Variants in UGT1A8 observed in about 807,000 individuals in gnomAD.
UGT1A8 encodes the protein UDP glucuronosyltransferase family 1 member A8.
Under a neutral mutation model 45.3 loss-of-function variants are expected in UGT1A8, and 39 were observed. That is an observed-to-expected ratio of 0.86 (90% CI 0.67 to 1.12). The LOEUF (loss-of-function observed/expected upper bound fraction) is 1.12, where lower values mean the gene tolerates loss of function less well. Ranked by LOEUF, UGT1A8 falls within the 50% of genes most tolerant of loss-of-function variation. The probability of loss-of-function intolerance (pLI) is 0.00; values close to 1 mark genes in which losing one functional copy is unlikely to be tolerated. For synonymous variants in UGT1A8, 275 were observed against 249.2 expected, an observed-to-expected ratio of 1.10 and a Z score of -0.97; for missense variants, 719 against 664.9, an observed-to-expected ratio of 1.08 and a Z score of -0.90.
At chr2:233,670,619 T>C (rs1166062784) in intron 1 of UGT1A8, among the ~76,000 whole-genome samples, 5 of 152,224 alleles carry the variant, frequency 3.3e-5, no homozygotes, top group Non-Finnish European at 7.3e-5. Context: ...TCAAGTCATC[T>C]TCTGTTGATT....
chr2:233,761,836 A>C (rs1697880138), intron 1 of UGT1A8, among the ~76,000 whole-genome samples: 1 of 152,212 alleles, frequency 6.6e-6, no homozygotes, highest in African/African-American at 2.4e-5. Flanking sequence ...ATGGAGCGTT[A>C]GGGAATTACT....
At chr2:233,758,385 T>C (rs1230615266) in intron 1 of UGT1A8, among the ~76,000 whole-genome samples, 2 of 152,262 alleles carry the variant, frequency 1.3e-5, no homozygotes, top group Admixed American at 6.5e-5. Flanking sequence ...TGGTGACTTA[T>C]GTGTTTATAG....
Position 233,772,382 on chromosome 2 carries a change from C to T in UGT1A8, c.1416C>T (p.Arg472=). 5 of 1,614,256 alleles carry T rather than the reference C, an allele frequency of 3.1e-6. No homozygotes were observed. The highest frequency in any genetic ancestry group is 2.5e-6 in the Non-Finnish European group (3 of 1,180,048). ...GGCACAAGGGCGCGCCACACCTGCGCCCCGCAGCCCACGACCTCACCTGGT... is the reference window on the plus strand; with the variant it reads ...GGCACAAGGGCGCGCCACACCTGCGTCCCGCAGCCCACGACCTCACCTGGT... ...VMRHKGAPHL[R]PAAHDLTWYQ... The change falls in exon 5 of 5, where the codon CGC becomes CGT. Residue 472 remains arginine, a synonymous_variant. Coordinates refer to ENST00000373450, the MANE Select transcript of UGT1A8 (RefSeq NM_019076.5).
chr2:233,773,036 G>A lies in UGT1A8; in HGVS notation c.*477G>A. ...TGCCACCTTGTGTGTTTAAAGAAGG[G>A]AAGCTTTGTACCTTTAGAGTGTAGG... On this transcript the variant is annotated 3_prime_UTR_variant, in exon 5 of 5. Coordinates refer to ENST00000373450, the MANE Select transcript of UGT1A8 (RefSeq NM_019076.5). 1 of 196,980 alleles carries A rather than the reference G, an allele frequency of 5.1e-6. No individual in the cohort carries two copies. Among genetic ancestry groups the A allele is most frequent in the South Asian group, 9.8e-5 (1 of 10,240 alleles). The allele number at this position is 196,980 out of a possible 1,614,324, so 12.2% of individuals were successfully genotyped here. A position where few individuals can be genotyped will look rare whatever the true frequency, so the allele number is the denominator to read the frequency against.
chr2:233,746,991 T>G (rs560743202), intron 1 of UGT1A8, among the ~76,000 whole-genome samples: 1 of 151,932 alleles, frequency 6.6e-6, no homozygotes, highest in Non-Finnish European at 1.5e-5. Context: ...CAGGGTCAGA[T>G]GAGTTTTTCA....
chr2:233,618,550 G>T lies in UGT1A8; in HGVS notation c.843G>T (p.Lys281Asn). 1 of 1,613,388 alleles carries T rather than the reference G, an allele frequency of 6.2e-7. No homozygotes were observed. The highest frequency in any genetic ancestry group is 8.5e-7 in the Non-Finnish European group (1 of 1,179,452). ...FIGGINCHQG[K>N]PLPMEFEAYI... The stretch of plus-strand genomic sequence containing the variant: ...GTGGTATCAACTGCCATCAGGGAAA[G>T]CCATTGCCTATGGTAAGTCACCTCT... Residue 281 changes from lysine to asparagine, a missense_variant, in exon 1 of 5, where the codon AAG becomes AAT. Transcript: ENST00000373450.
intron 1 of UGT1A8, chr2:233,693,978 G>A (rs1189326021): frequency 1.9e-6 from 3 of 1,557,938 alleles, no homozygotes; most frequent in African/African-American, 1.4e-5. Context: ...GAGAAACGGT[G>A]GGGGGAAGTG....
At chr2:233,641,596 C>T (rs1384490476) in intron 1 of UGT1A8, among the ~76,000 whole-genome samples, 4 of 152,128 alleles carry the variant, frequency 2.6e-5, no homozygotes, top group Non-Finnish European at 5.9e-5. Context: ...TTACTATTAC[C>T]AGTGAGTTTT....
chr2:233,713,513 G>T (rs1275853145), intron 1 of UGT1A8: 1 of 1,613,912 alleles, frequency 6.2e-7, no homozygotes, highest in East Asian at 2.2e-5. Context: ...TTTTCTTGAG[G>T]AACATTCCAT....
chr2:233,700,334 C>A (rs541076266), intron 1 of UGT1A8, among the ~76,000 whole-genome samples: 14 of 152,332 alleles, frequency 9.2e-5, no homozygotes, highest in Non-Finnish European at 1.5e-4. Context: ...GCCTCTCTTT[C>A]AAAACCCTGT....
chr2:233,744,926 T>C (rs1381342735), intron 1 of UGT1A8, among the ~76,000 whole-genome samples: 2 of 151,890 alleles, frequency 1.3e-5, no homozygotes, highest in East Asian at 1.9e-4. Context: ...GCTCCTTTTA[T>C]AAAATGACAC....
chr2:233,618,489 A>G lies in UGT1A8; in HGVS notation c.782A>G (p.Tyr261Cys), dbSNP rs1221181458. 4 of 1,613,928 alleles carry G rather than the reference A, an allele frequency of 2.5e-6. No individual in the cohort carries two copies. The highest frequency in any genetic ancestry group is 3.4e-6 in the Non-Finnish European group (4 of 1,179,818). ...TTGCGAACAGACTTTGTTTTGGACT[A>G]TCCCAAACCCGTGATGCCCAATATG... is the stretch of plus-strand genomic sequence containing the variant. The part of the protein sequence containing the change: ...WLLRTDFVLD[Y>C]PKPVMPNMIF... The change falls in exon 1 of 5, where the codon TAT becomes TGT. Residue 261 changes from tyrosine (Y) to cysteine (C), a missense_variant. Coordinates refer to ENST00000373450, the MANE Select transcript of UGT1A8 (RefSeq NM_019076.5).
rs754213125 is a variant in UGT1A8 at position 233,761,125 on chromosome 2, T to G, written c.856-5909T>G. ...TATGGTTTTTGTTGGTGGAATCAAC[T>G]GCCTTCACCAAAATCCACTATCCCA... On this transcript the variant is annotated intron_variant, in intron 1 of 4. Transcript: ENST00000373450. 1.1e-5 allele frequency: 17 copies of G among 1,614,134 alleles called. No homozygotes were observed. Among genetic ancestry groups the G allele is most frequent in the Middle Eastern group, 1.6e-4 (1 of 6,084 alleles).
intron 1 of UGT1A8, among the ~76,000 whole-genome samples, chr2:233,642,146 T>A (rs2073469271): frequency 6.6e-6 from 1 of 152,228 alleles, no homozygotes; most frequent in African/African-American, 2.4e-5. Context: ...ACTATTAGAT[T>A]TGCCCCTTTG....
intron 1 of UGT1A8, chr2:233,719,598 G>A (rs759062689): frequency 3.1e-6 from 5 of 1,613,992 alleles, no homozygotes; most frequent in Non-Finnish European, 2.5e-6. Flanking sequence ...GTTCCGAGGG[G>A]ACTTTGTGAT....
intron 1 of UGT1A8, chr2:233,760,619 A>G: frequency 6.2e-7 from 1 of 1,614,198 alleles, no homozygotes; most frequent in Non-Finnish European, 8.5e-7. Flanking sequence ...CGTGTGATCA[A>G]AACATACAAG....
intron 1 of UGT1A8, among the ~76,000 whole-genome samples, chr2:233,618,821 G>T (rs2072949110): frequency 6.6e-6 from 1 of 152,054 alleles, no homozygotes; most frequent in Admixed American, 6.6e-5. Flanking sequence ...GTTTAGAAAA[G>T]TACCAAAAAC....
chr2:233,711,636 C>T (rs1021848724), intron 1 of UGT1A8, among the ~76,000 whole-genome samples: 1 of 152,184 alleles, frequency 6.6e-6, no homozygotes, highest in African/African-American at 2.4e-5. Flanking sequence ...GCTGCCTGTC[C>T]CATGGGTTCT....
chr2:233,661,967 C>T (rs2073979920), intron 1 of UGT1A8, among the ~76,000 whole-genome samples: 1 of 152,032 alleles, frequency 6.6e-6, no homozygotes, highest in African/African-American at 2.4e-5. Flanking sequence ...ATGAACTGTA[C>T]ACATGGAGAT....
Sources: allele counts gnomAD v4.1 joint callset (sites outside exome capture counted in the v4.1 genomes callset), GRCh38; gene constraint gnomAD v4.1.1; transcripts MANE v1.5; gene names NCBI Gene and HGNC (gene_info 2026-07-23, HGNC 2026-07-21).